The following CDH8 variants were observed in gnomAD, a reference collection of about 807,000 sequenced individuals.
CDH8 encodes cadherin 8.
A neutral mutation model predicts 68.1 loss-of-function variants in CDH8; 17 were observed. The ratio of observed to expected loss-of-function variants is 0.25; its 90% CI spans 0.17 to 0.37. CDH8 has a LOEUF of 0.37. CDH8 is among the 10% of genes least tolerant of loss of function. The pLI is 1.00. For synonymous variants in CDH8, 372 were observed against 365.1 expected (o/e 1.02, Z -0.21); for missense variants, 763 against 999.3 (o/e 0.76, Z 3.19).
intron 2 of CDH8, among the ~76,000 whole-genome samples, chr16:61,982,637 G>A (rs1291333604): frequency 6.6e-6 from 1 of 152,176 alleles, no homozygotes; most frequent in African/African-American, 2.4e-5. Flanking sequence ...ATAAGTTAAT[G>A]TGTATTAAGC....
chr16:61,854,177 C>A (rs1962999500), intron 4 of CDH8, among the ~76,000 whole-genome samples: 1 of 151,572 alleles, frequency 6.6e-6, no homozygotes, highest in Admixed American at 6.6e-5. Context: ...GACACAGAAG[C>A]CCACTGCTTG....
chr16:61,931,819 T>G (rs1345384458), intron 2 of CDH8, among the ~76,000 whole-genome samples: 2 of 152,194 alleles, frequency 1.3e-5, no homozygotes, highest in Admixed American at 6.5e-5. Flanking sequence ...GGATTTCTGC[T>G]GAAAACATAA....
intron 2 of CDH8, among the ~76,000 whole-genome samples, chr16:61,906,367 A>G (rs1224820486): frequency 6.6e-6 from 1 of 152,198 alleles, no homozygotes; most frequent in Non-Finnish European, 1.5e-5. Flanking sequence ...TTACAACCAG[A>G]TGAATCCTCA....
intron 2 of CDH8, among the ~76,000 whole-genome samples, chr16:61,969,803 A>G (rs1237427577): frequency 6.6e-6 from 1 of 152,202 alleles, no homozygotes; most frequent in African/African-American, 2.4e-5. Flanking sequence ...GAGAGCATCA[A>G]TCAAGCATGA....
chr16:61,822,205 C>CCTTTT (rs1962230457), intron 5 of CDH8, among the ~76,000 whole-genome samples: 2 of 45,648 alleles, frequency 4.4e-5, no homozygotes, highest in African/African-American at 2.2e-4. Flanking sequence ...AAAAACGCAC[C>CCTTTT]TTTTTTTTTT....
chr16:62,013,329 T>C (rs1901862064), intron 2 of CDH8, among the ~76,000 whole-genome samples: 1 of 150,034 alleles, frequency 6.7e-6, no homozygotes, highest in Admixed American at 6.6e-5. Flanking sequence ...GCAATGTGTA[T>C]GCATTTGTGG....
chr16:61,978,512 T>C (rs1161055331), intron 2 of CDH8, among the ~76,000 whole-genome samples: 1 of 152,202 alleles, frequency 6.6e-6, no homozygotes, highest in East Asian at 1.9e-4. Context: ...CTGATTGACT[T>C]GTAATGAGTC....
chr16:61,669,343 C>A (rs1001799621), intron 10 of CDH8, among the ~76,000 whole-genome samples: 1 of 152,020 alleles, frequency 6.6e-6, no homozygotes, highest in African/African-American at 2.4e-5. Context: ...GGAAAGTCTT[C>A]CTCAACACAC....
intron 10 of CDH8, among the ~76,000 whole-genome samples, chr16:61,678,310 T>G (rs1472651230): frequency 6.6e-6 from 1 of 152,024 alleles, no homozygotes; most frequent in East Asian, 1.9e-4. Flanking sequence ...CACGGGTCAT[T>G]GGTCATGACC....
chr16:61,665,911 A>G (rs1963667242), intron 10 of CDH8, among the ~76,000 whole-genome samples: 1 of 143,128 alleles, frequency 7.0e-6, no homozygotes. Flanking sequence ...GTCCTCCCTT[A>G]TCACAGTTTC....
chr16:62,031,562 T>C (rs549115829), intron 1 of CDH8, among the ~76,000 whole-genome samples: 25 of 152,228 alleles, frequency 1.6e-4, no homozygotes, highest in African/African-American at 5.8e-4. Context: ...GAAAGAAAAC[T>C]GTTTGAAGGT....
intron 3 of CDH8, among the ~76,000 whole-genome samples, chr16:61,891,853 C>A (rs1022544321): frequency 3.9e-5 from 6 of 152,118 alleles, no homozygotes; most frequent in Non-Finnish European, 8.8e-5. Flanking sequence ...TCAAGATATG[C>A]TTTTCCCGTT....
At chr16:62,024,775 T>C (rs1320063055) in intron 1 of CDH8, among the ~76,000 whole-genome samples, 1 of 152,202 alleles carries the variant, frequency 6.6e-6, no homozygotes, top group Middle Eastern at 3.2e-3. Context: ...AGGCAGAGAA[T>C]AATGAAATGA....
chr16:62,029,873 A>G (rs1328579073), intron 1 of CDH8, among the ~76,000 whole-genome samples: 1 of 152,206 alleles, frequency 6.6e-6, no homozygotes, highest in African/African-American at 2.4e-5. Context: ...TATTTCAAGA[A>G]ACTTTAGCAT....
At chr16:61,663,513 G>A (rs866345575) in intron 10 of CDH8, among the ~76,000 whole-genome samples, 1 of 151,832 alleles carries the variant, frequency 6.6e-6, no homozygotes, top group African/African-American at 2.4e-5. Flanking sequence ...CCTTGAGGCC[G>A]ACTTGCCTTA....
chr16:61,909,311 C>A (rs1453679868), intron 2 of CDH8, among the ~76,000 whole-genome samples: 1 of 152,074 alleles, frequency 6.6e-6, no homozygotes, highest in Non-Finnish European at 1.5e-5. Flanking sequence ...GGAAAAAAGT[C>A]AAAGAATGGA....
At chr16:61,749,027 A>C (rs991090363) in intron 8 of CDH8, among the ~76,000 whole-genome samples, 1 of 152,080 alleles carries the variant, frequency 6.6e-6, no homozygotes, top group East Asian at 1.9e-4. Flanking sequence ...GAGCTTACTG[A>C]ATACTGGCTC....
intron 8 of CDH8, among the ~76,000 whole-genome samples, chr16:61,759,542 G>A (rs1244532996): frequency 6.6e-6 from 1 of 152,054 alleles, no homozygotes; most frequent in Non-Finnish European, 1.5e-5. Flanking sequence ...AAACAGTACT[G>A]GATACTCATC....
chr16:61,762,796 C>A (rs1596943873), intron 8 of CDH8, among the ~76,000 whole-genome samples: 1 of 152,104 alleles, frequency 6.6e-6, no homozygotes, highest in South Asian at 2.1e-4. Flanking sequence ...TTACTTATAG[C>A]CAATGACTAC....
Sources: allele counts gnomAD v4.1 joint callset (sites outside exome capture counted in the v4.1 genomes callset), GRCh38; gene constraint gnomAD v4.1.1; transcripts MANE v1.5; gene names NCBI Gene and HGNC (gene_info 2026-07-23, HGNC 2026-07-21).